The following TCF12 variants were observed in gnomAD, a reference collection of about 807,000 sequenced individuals.
TCF12 encodes the protein transcription factor 12.
A neutral mutation model predicts 86.0 loss-of-function variants in TCF12; 45 were observed. The observed-to-expected ratio is 0.52, with a 90% CI of 0.41 to 0.67. The LOEUF (loss-of-function observed/expected upper bound fraction) is 0.67, where lower values mean the gene tolerates loss of function less well. Among genes scored for constraint, TCF12 ranks in the 30% least tolerant of loss-of-function variants. TCF12 has a pLI of 0.00. For missense variants in TCF12, 881 were observed against 859.9 expected (o/e 1.02, Z -0.31); for synonymous variants, 330 against 299.6 (o/e 1.10, Z -1.05).
At chr15:57,124,229 C>G (rs1338092670) in intron 5 of TCF12, among the ~76,000 whole-genome samples, 2 of 152,058 alleles carry the variant, frequency 1.3e-5, no homozygotes, top group South Asian at 4.2e-4. Context: ...TTTTCATATA[C>G]TTTGGTTTCC....
chr15:57,038,467 A>T (rs1305429715), intron 3 of TCF12, among the ~76,000 whole-genome samples: 1 of 44,720 alleles, frequency 2.2e-5, no homozygotes, highest in African/African-American at 8.1e-5. Context: ...GAAGAGAGGG[A>T]GGGAGGGAGG....
rs142587830 is a variant in TCF12 at position 57,103,096 on chromosome 15, A to C, written c.325+11205A>C. Among the ~76,000 whole-genome samples the C allele has an allele frequency of 4.8e-3, 737 of 152,302 alleles. 5 individuals carry two copies. Among genetic ancestry groups the C allele is most frequent in the African/African-American group, 0.017 (722 of 41,568 alleles). ...TGTCGAGGGAATCTATAATGAGAGG[A>C]TAGTGTGAGAATTGCACAGTAATAA... is the stretch of plus-strand genomic sequence containing the variant. On this transcript the variant is annotated intron_variant, in intron 5 of 20. Transcript: ENST00000333725.
chr15:57,160,581 T>TG (rs1473859006), intron 5 of TCF12, among the ~76,000 whole-genome samples: 16 of 152,208 alleles, frequency 1.1e-4, no homozygotes, highest in Admixed American at 2.0e-4. Flanking sequence ...AAGAGCTAAA[T>TG]GTCTAACAAA....
intron 8 of TCF12, among the ~76,000 whole-genome samples, chr15:57,223,615 ATGGTTTTGGC>A (rs1209192287): frequency 7.7e-6 from 1 of 129,820 alleles, no homozygotes; most frequent in Admixed American, 8.3e-5. Context: ...TGGTTTAGCC[ATGGTTTTGGC>A]ACCTGCCTAC....
intron 5 of TCF12, among the ~76,000 whole-genome samples, chr15:57,163,639 G>A (rs2054652258): frequency 6.6e-6 from 1 of 152,210 alleles, no homozygotes; most frequent in Non-Finnish European, 1.5e-5. Context: ...GAAGTTGGAG[G>A]CTGCAGTGAG....
chr15:57,021,638 G>A (rs537696129), intron 3 of TCF12, among the ~76,000 whole-genome samples: 7 of 152,252 alleles, frequency 4.6e-5, no homozygotes, highest in Admixed American at 2.6e-4. Context: ...GTCTTTCTAC[G>A]ATTTTACCAC....
At chr15:57,119,893 T>C (rs1435556565) in intron 5 of TCF12, among the ~76,000 whole-genome samples, 3 of 152,252 alleles carry the variant, frequency 2.0e-5, no homozygotes, top group Non-Finnish European at 2.9e-5. Flanking sequence ...ACCTTGTTTC[T>C]GTCTCAGAAC....
intron 5 of TCF12, among the ~76,000 whole-genome samples, chr15:57,131,014 G>A (rs1423269013): frequency 6.6e-5 from 10 of 152,136 alleles, no homozygotes; most frequent in African/African-American, 2.4e-4. Context: ...TGTATTCATA[G>A]TAGTTAAAAA....
chr15:57,145,093 A>G (rs901005536), intron 5 of TCF12, among the ~76,000 whole-genome samples: 1 of 152,220 alleles, frequency 6.6e-6, no homozygotes, highest in African/African-American at 2.4e-5. Flanking sequence ...AACATCCCTT[A>G]TTTAAGAACA....
chr15:56,921,236 AG>A, intron 3 of TCF12, 138 bp downstream of exon 3: 1 of 493,178 alleles, frequency 2.0e-6, no homozygotes, highest in Non-Finnish European at 3.2e-6. Flanking sequence ...ATAATTAGTA[AG>A]ATTTATTAAT....
intron 3 of TCF12, among the ~76,000 whole-genome samples, chr15:57,013,540 T>C (rs2064967536): frequency 6.6e-6 from 1 of 152,162 alleles, no homozygotes; most frequent in South Asian, 2.1e-4. Context: ...AGGCTAATCT[T>C]GAACTCCTGA....
At chr15:56,959,353 A>G (rs1241586430) in intron 3 of TCF12, among the ~76,000 whole-genome samples, 3 of 152,224 alleles carry the variant, frequency 2.0e-5, no homozygotes, top group African/African-American at 7.2e-5. Flanking sequence ...CTGCATCTCA[A>G]AAACTTAAAC....
rs988121097 is a variant in TCF12, at chr15:57,289,274, C to T, written c.*3129C>T. 4.0e-5 allele frequency: 6 copies of T among 151,778 alleles called. No homozygotes were observed. The highest frequency in any genetic ancestry group is 4.2e-4 in the South Asian group (2 of 4,812). 9.4% of individuals were successfully genotyped at this position (151,778 alleles called of 1,614,324 possible). On this transcript the variant is annotated 3_prime_UTR_variant, in exon 21 of 21. Coordinates refer to ENST00000333725, the MANE Select transcript of TCF12 (RefSeq NM_207037.2). Reference sequence around the variant, plus strand: ...CTTGTTAAGTTGATTTTATACAAAACGATAAATAAAAAGCTCTAAGAAGAA... The same window carrying T: ...CTTGTTAAGTTGATTTTATACAAAATGATAAATAAAAAGCTCTAAGAAGAA...
At chr15:56,968,391 T>G (rs1462590781) in intron 3 of TCF12, among the ~76,000 whole-genome samples, 2 of 150,384 alleles carry the variant, frequency 1.3e-5, no homozygotes, top group Non-Finnish European at 3.0e-5. Flanking sequence ...AATGGGGGTC[T>G]CACTGTGTTG....
chr15:57,051,941 A>AC (rs2067654984), intron 3 of TCF12, among the ~76,000 whole-genome samples: 2 of 152,208 alleles, frequency 1.3e-5, no homozygotes, highest in South Asian at 4.1e-4. Context: ...AGTTGACCAT[A>AC]CACACATGGA....
intron 4 of TCF12, among the ~76,000 whole-genome samples, chr15:57,088,384 A>G (rs2048782523): frequency 1.3e-5 from 2 of 152,146 alleles, no homozygotes; most frequent in South Asian, 4.1e-4. Flanking sequence ...TAGTCAACTA[A>G]CCTATTTCTT....
At chr15:57,281,110 T>TTC (rs2061665897) in intron 19 of TCF12, among the ~76,000 whole-genome samples, 1 of 151,238 alleles carries the variant, frequency 6.6e-6, no homozygotes, top group Non-Finnish European at 1.5e-5. Flanking sequence ...TATTCTTTTT[T>TTC]TTTTTTTTTT....
intron 6 of TCF12, among the ~76,000 whole-genome samples, chr15:57,177,556 C>T (rs1033964327): frequency 1.3e-4 from 18 of 142,252 alleles, no homozygotes; most frequent in African/African-American, 3.7e-4. Context: ...CAGGCGTGAG[C>T]CACTGTGCCC....
chr15:57,184,211 T>C (rs555673796), intron 6 of TCF12, among the ~76,000 whole-genome samples: 1 of 152,292 alleles, frequency 6.6e-6, no homozygotes, highest in Non-Finnish European at 1.5e-5. Context: ...CCATACGTTT[T>C]CTGTTGCAAC....
Sources: allele counts gnomAD v4.1 joint callset (sites outside exome capture counted in the v4.1 genomes callset), GRCh38; gene constraint gnomAD v4.1.1; transcripts MANE v1.5; gene names NCBI Gene and HGNC (gene_info 2026-07-23, HGNC 2026-07-21).